ADGRB1: variants seen among roughly 807,000 people sequenced by gnomAD.
ADGRB1 encodes the protein adhesion G protein-coupled receptor B1, also known as brain-specific angiogenesis inhibitor 1.
In ADGRB1, 36 loss-of-function variants were observed where a neutral mutation model predicts 175.7. The observed-to-expected ratio is 0.20, with a 90% CI of 0.16 to 0.27. The LOEUF is 0.27. ADGRB1 is among the 10% of genes least tolerant of loss of function. The probability of loss-of-function intolerance (pLI) is 1.00; values close to 1 mark genes in which losing one functional copy is unlikely to be tolerated. For missense variants in ADGRB1, 1,731 were observed against 2,255.3 expected, an observed-to-expected ratio of 0.77 and a Z score of 4.71; for synonymous variants, 1,054 against 979.4, an observed-to-expected ratio of 1.08 and a Z score of -1.42.
At chr8:142,512,786 G>A (rs1843173970) in intron 18 of ADGRB1, among the ~76,000 whole-genome samples, 1 of 152,252 alleles carries the variant, frequency 6.6e-6, no homozygotes, top group African/African-American at 2.4e-5. Context: ...TCACCAGGCT[G>A]ACCTCCAGAG....
chr8:142,478,504 G>A (rs1473480427), intron 7 of ADGRB1, 144 bp downstream of exon 7: 1 of 1,038,240 alleles, frequency 9.6e-7, no homozygotes, highest in Non-Finnish European at 1.4e-6. Flanking sequence ...GGGGTCTGGG[G>A]TGGCTGTGGG....
At chr8:142,539,568 AG>A (rs1845142596) in intron 27 of ADGRB1, 155 bp downstream of exon 27, 14 of 927,012 alleles carry the variant, frequency 1.5e-5, no homozygotes, top group South Asian at 9.6e-5. Context: ...ACCTGGACCC[AG>A]GGGACCTGCC....
chr8:142,527,982 G>A (rs1434156218), intron 24 of ADGRB1, among the ~76,000 whole-genome samples: 3 of 152,212 alleles, frequency 2.0e-5, no homozygotes, highest in Admixed American at 6.5e-5. Context: ...TGTGTGCCAC[G>A]GGGGCCAGCT....
At chr8:142,478,834 TG>T (rs1841159364) in intron 7 of ADGRB1, among the ~76,000 whole-genome samples, 1 of 118,324 alleles carries the variant, frequency 8.5e-6, no homozygotes, top group African/African-American at 3.4e-5. Flanking sequence ...GGGGTGTCCA[TG>T]GGGAAGTGGA....
chr8:142,524,069 T>C lies in ADGRB1; in HGVS notation c.3246-169T>C, dbSNP rs1025913154. Among the ~76,000 whole-genome samples the C allele has an allele frequency of 1.1e-4, 16 of 152,218 alleles. No individual in the cohort carries two copies. In the East Asian group the frequency reaches 1.7e-3, roughly 17 times the overall value. On this transcript the variant is annotated intron_variant, in intron 22 of 30. Coordinates refer to ENST00000517894, the MANE Select transcript of ADGRB1 (RefSeq NM_001702.3). ...GTGGCTGCCTGGGGTCTCCTGAGGATTCTAAGGCTAAAGAGTGGGTGTGAC... is the reference window on the plus strand; with the variant it reads ...GTGGCTGCCTGGGGTCTCCTGAGGACTCTAAGGCTAAAGAGTGGGTGTGAC...
At chr8:142,538,517 C>T (rs1845069461) in intron 26 of ADGRB1, among the ~76,000 whole-genome samples, 1 of 152,192 alleles carries the variant, frequency 6.6e-6, no homozygotes, top group East Asian at 1.9e-4. Context: ...ACCTCTGATC[C>T]CAGGGGGAAG....
chr8:142,485,442 G>A (rs1841619003), intron 13 of ADGRB1, among the ~76,000 whole-genome samples: 1 of 152,236 alleles, frequency 6.6e-6, no homozygotes, highest in Non-Finnish European at 1.5e-5. Context: ...TGTGATCCCT[G>A]CTACTAGGGA....
chr8:142,506,798 G>A (rs1842873663), intron 17 of ADGRB1, among the ~76,000 whole-genome samples: 1 of 152,246 alleles, frequency 6.6e-6, no homozygotes, highest in African/African-American at 2.4e-5. Flanking sequence ...ATGCACACAA[G>A]GGCCTCAGTT....
intron 17 of ADGRB1, among the ~76,000 whole-genome samples, chr8:142,502,579 T>G (rs79483333): frequency 9.9e-5 from 1 of 10,076 alleles, no homozygotes; most frequent in Non-Finnish European, 1.6e-3. Context: ...GGATGGTGGT[T>G]CAGTCATCAC....
chr8:142,469,617 ATGCACGTGCATGTGTGTATG>A (rs1463356581), intron 2 of ADGRB1, among the ~76,000 whole-genome samples: 2 of 104,530 alleles, frequency 1.9e-5, no homozygotes, highest in Non-Finnish European at 3.8e-5. Context: ...ATGTGTGTGT[ATGCACGTGCATGTGTGTATG>A]TGCACGTGCG....
In ADGRB1 at chr8:142,542,473, G is replaced by A. The variant is rs754934403; in HGVS notation, c.4239G>A (p.Pro1413=). The change falls in exon 28 of 31, where the codon CCG becomes CCA. Residue 1413 remains proline (P), a synonymous_variant. Transcript: ENST00000517894. The surrounding 1 kb of genome is among the most constrained non-coding windows in gnomAD (Gnocchi z 6.3). ...AGGCACCCCCTGCCCAGCCCCCACC[G>A]CCTCCGCCCCCACCGCCACCACCTC... ...PPEAPPAQPP[P]PPPPPPPPPQ... is the part of the protein sequence containing the mutation. 1.1e-3 allele frequency: 537 copies of A among 470,100 alleles called. 3 individuals carry two copies. In the African/African-American group the frequency reaches 0.023, roughly 20 times the overall value. 29.1% of individuals were successfully genotyped at this position (470,100 alleles called of 1,614,324 possible). A position where few individuals can be genotyped will look rare whatever the true frequency, so the allele number is the denominator to read the frequency against.
intron 18 of ADGRB1, among the ~76,000 whole-genome samples, chr8:142,516,436 G>A (rs1175242322): frequency 4.7e-5 from 6 of 126,752 alleles, no homozygotes; most frequent in African/African-American, 9.1e-5. Flanking sequence ...CGTGTGTGCG[G>A]GCCCCAGGTG....
At chr8:142,476,921 G>A (rs1377992832) in intron 4 of ADGRB1, among the ~76,000 whole-genome samples, 193 bp from the exon 5 acceptor site, 2 of 152,180 alleles carry the variant, frequency 1.3e-5, no homozygotes, top group East Asian at 1.9e-4. Flanking sequence ...GGCACAGGCC[G>A]GCCCTCAGGG....
chr8:142,498,662 C>T (rs116261402), intron 17 of ADGRB1, among the ~76,000 whole-genome samples: 2,838 of 152,190 alleles, frequency 0.019, 100 homozygotes, highest in African/African-American at 0.064. Flanking sequence ...AGGGAGCTTC[C>T]TGGGCAACTG....
chr8:142,489,809 G>A (rs1024639037), intron 16 of ADGRB1, among the ~76,000 whole-genome samples: 4 of 151,988 alleles, frequency 2.6e-5, no homozygotes, highest in East Asian at 3.9e-4. Flanking sequence ...ACCCTCTGCC[G>A]GCACCGCCAG....
At position 142,500,260 on chromosome 8, in the gene ADGRB1, CTCCCCACG is replaced by C. The variant is rs1842433555; in HGVS notation, c.2675+9446_2675+9453del. Among the ~76,000 whole-genome samples the C allele has an allele frequency of 7.8e-4, 71 of 90,602 alleles. 4 individuals are homozygous for C. The highest frequency in any genetic ancestry group is 3.6e-3 in the South Asian group (7 of 1,942). The allele number at this position is 90,602 out of a possible 152,430, so 59.4% of individuals were successfully genotyped here. A position where few individuals can be genotyped will look rare whatever the true frequency, so the allele number is the denominator to read the frequency against. The stretch of plus-strand genomic sequence containing the variant: ...ACCTCCCCACGCGCCGCTCCTCCAC[CTCCCCACG>C]CGCCGCTCCTCCACCTCCCCACGCG... On this transcript the variant is annotated intron_variant, in intron 17 of 30. Transcript: ENST00000517894.
At chr8:142,450,859 G>A (rs886365860) in intron 1 of ADGRB1, among the ~76,000 whole-genome samples, 2 of 152,170 alleles carry the variant, frequency 1.3e-5, no homozygotes, top group Non-Finnish European at 2.9e-5. Context: ...CACTGGGTCG[G>A]ACAGGCCGCG....
At chr8:142,495,277 C>T (rs1842161702) in intron 17 of ADGRB1, among the ~76,000 whole-genome samples, 1 of 151,798 alleles carries the variant, frequency 6.6e-6, no homozygotes, top group Non-Finnish European at 1.5e-5. Context: ...GGGTGAGTGA[C>T]CAGTGATGGC....
Position 142,537,892 on chromosome 8 carries a change from T to G in ADGRB1, c.3666+810T>G, listed in dbSNP as rs1292121786. 6.6e-6 allele frequency among the ~76,000 whole-genome samples: 1 copy of G among 152,226 alleles called. No homozygotes were observed. The highest frequency in any genetic ancestry group is 3.4e-3 in the Middle Eastern group (1 of 294). ...CCCTGGGGCTCAGCCAGGACCGTAG[T>G]GGGCTCCTAGTCACCAAGTCTGCTC... On this transcript the variant is annotated intron_variant, in intron 26 of 30. Coordinates refer to ENST00000517894, the MANE Select transcript of ADGRB1 (RefSeq NM_001702.3). This position sits in a 1 kb window ranked among gnomAD's most constrained non-coding sequence, Gnocchi z 4.6.
Sources: gnomAD v4.1 joint callset for allele counts (sites outside exome capture counted in the v4.1 genomes callset) on GRCh38, gnomAD v4.1.1 for gene constraint, Gnocchi (gnomAD v3.1) non-coding constraint, MANE v1.5 for transcripts, NCBI Gene and HGNC (gene_info 2026-07-23, HGNC 2026-07-21) for gene names.